Variants in ATAD2 observed in about 807,000 individuals in gnomAD.
The protein encoded by ATAD2 is ATPase family AAA domain-containing protein 2.
Under a neutral mutation model 168.9 loss-of-function variants are expected in ATAD2, and 62 were observed. That is an observed-to-expected ratio of 0.37 (90% CI 0.30 to 0.45). The LOEUF (loss-of-function observed/expected upper bound fraction) is 0.45, where lower values mean the gene tolerates loss of function less well. Ranked by LOEUF, ATAD2 falls within the 20% of genes least tolerant of loss-of-function variation. The probability of loss-of-function intolerance (pLI) is 1.00; values close to 1 mark genes in which losing one functional copy is unlikely to be tolerated. For synonymous variants in ATAD2, 613 were observed against 571.6 expected (o/e 1.07, Z -1.03); for missense variants, 1,419 against 1,667.8 (o/e 0.85, Z 2.60).
At chr8:123,331,010 C>T (rs1179004426) in intron 24 of ATAD2, among the ~76,000 whole-genome samples, 1 of 152,158 alleles carries the variant, frequency 6.6e-6, no homozygotes, top group Non-Finnish European at 1.5e-5. Flanking sequence ...GCAACCTCTG[C>T]CCCACTGGGT....
intron 1 of ATAD2, among the ~76,000 whole-genome samples, chr8:123,389,760 T>C (rs1249934404): frequency 1.3e-5 from 2 of 150,980 alleles, no homozygotes; most frequent in African/African-American, 4.9e-5. Flanking sequence ...TGGACATTTT[T>C]CTCCATTCCT....
chr8:123,389,424 A>G lies in ATAD2; in HGVS notation c.171+6763T>C, dbSNP rs1396149709. Among the ~76,000 whole-genome samples, 20 of 149,090 alleles carry G rather than the reference A, an allele frequency of 1.3e-4. No individual in the cohort carries two copies. In the South Asian group the frequency reaches 4.1e-3, roughly 31 times the overall value. On this transcript the variant is annotated intron_variant, in intron 1 of 27. Transcript: ENST00000287394. Reference sequence around the variant, plus strand: ...GGAGGCCAAGGCGGGCGGATCACGAAGTCGGGAGATTGAGACCATCCTGGC... The same window carrying G: ...GGAGGCCAAGGCGGGCGGATCACGAGGTCGGGAGATTGAGACCATCCTGGC...
At chr8:123,323,211 GC>G (rs1563829835) in intron 26 of ATAD2, 145 bp from the exon 27 acceptor site, 9 of 756,298 alleles carry the variant, frequency 1.2e-5, no homozygotes, top group Non-Finnish European at 1.8e-5. Flanking sequence ...TCTGGCAGTG[GC>G]TCTGACATTT....
chr8:123,398,041 C>A (rs1812934414), upstream of ATAD2, among the ~76,000 whole-genome samples: 1 of 152,012 alleles, frequency 6.6e-6, no homozygotes, highest in Non-Finnish European at 1.5e-5. Context: ...CCCATCCAAA[C>A]CCTGAGATGA....
At chr8:123,357,417 TATAAA>T (rs1828683612) in intron 12 of ATAD2, 140 bp downstream of exon 12, 8 of 812,686 alleles carry the variant, frequency 9.8e-6, no homozygotes, top group Admixed American at 3.6e-5. Context: ...CATCTCGACA[TATAAA>T]AGAAAATAAT....
intron 8 of ATAD2, among the ~76,000 whole-genome samples, chr8:123,367,639 G>A (rs1829023135): frequency 6.6e-6 from 1 of 151,950 alleles, no homozygotes; most frequent in Admixed American, 6.6e-5. Flanking sequence ...CATTCTAAGG[G>A]GCCTGTGAGA....
At position 123,321,987 on chromosome 8, in the gene ATAD2, C is replaced by CTTTT. The variant is rs869048943; in HGVS notation, c.4132-816_4132-813dup. Among the ~76,000 whole-genome samples, 949 of 136,452 alleles carry CTTTT rather than the reference C, an allele frequency of 7.0e-3. 34 individuals are homozygous for CTTTT. The highest frequency in any genetic ancestry group is 0.026 in the African/African-American group (913 of 35,114). 89.5% of individuals were successfully genotyped at this position (136,452 alleles called of 152,430 possible). ...ATAAAGGAAGATTAAGTACATAAGT[C>CTTTT]TTTTTTTTTTTTTTTTGTCATACAG... On this transcript the variant is annotated intron_variant, in intron 27 of 27. Transcript: ENST00000287394.
intron 24 of ATAD2, among the ~76,000 whole-genome samples, chr8:123,332,805 T>G (rs1827808170): frequency 6.6e-6 from 1 of 150,814 alleles, no homozygotes; most frequent in Admixed American, 6.7e-5. Flanking sequence ...GTAATCCTGT[T>G]GGGTATCTAT....
intron 1 of ATAD2, among the ~76,000 whole-genome samples, chr8:123,393,141 G>C (rs1014648550): frequency 4.0e-5 from 6 of 150,662 alleles, no homozygotes; most frequent in African/African-American, 9.8e-5. Context: ...GCCGAGATTG[G>C]GCCACTGCAC....
Position 123,396,364 on chromosome 8 carries a change from T to C in ATAD2, c.-7A>G. Reference sequence around the variant, plus strand: ...TGCTGCGGAGAACCACCATCTTCTCTCCCTACTGGCCTCGGCGTGCGCGAC... The same window carrying C: ...TGCTGCGGAGAACCACCATCTTCTCCCCCTACTGGCCTCGGCGTGCGCGAC... On this transcript the variant is annotated 5_prime_UTR_variant, in exon 1 of 28. Transcript: ENST00000287394. 1.9e-5 allele frequency: 30 copies of C among 1,577,792 alleles called. No homozygotes were observed. The highest frequency in any genetic ancestry group is 2.5e-5 in the Non-Finnish European group (29 of 1,162,934).
chr8:123,325,946 C>G lies in ATAD2; in HGVS notation c.3949G>C (p.Ala1317Pro), dbSNP rs1231503997. Residue 1317 changes from alanine (A) to proline (P), a missense_variant, in exon 26 of 28, where the codon GCA (alanine) becomes CCA (proline). This residue lies in a region of ATAD2 where 303 missense variants were observed against 304.3 expected (regional missense o/e 1.00). Transcript: ENST00000287394. ...GAGGGTGTAGGCTGAGAAAGAATTG[C>G]CAAAGCCTTTTCAACAGTGATGAGC... ...QQLITVEKAL[A>P]ILSQPTPSLV... 1 of 1,613,978 alleles carries G rather than the reference C, an allele frequency of 6.2e-7. No homozygotes were observed. Among genetic ancestry groups the G allele is most frequent in the African/African-American group, 1.3e-5 (1 of 74,886 alleles).
chr8:123,346,780 A>G, intron 16 of ATAD2, 30 bp from the exon 17 acceptor site: 2 of 1,552,066 alleles, frequency 1.3e-6, no homozygotes, highest in Non-Finnish European at 1.7e-6. Flanking sequence ...TACATTAGTA[A>G]CTTTTGGATT....
intron 13 of ATAD2, among the ~76,000 whole-genome samples, chr8:123,349,713 C>G (rs994638297): frequency 1.3e-5 from 2 of 151,710 alleles, no homozygotes; most frequent in African/African-American, 4.8e-5. Context: ...CACAAAGGAA[C>G]TTAAGAGTTC....
chr8:123,384,045 C>T (rs1829574024), intron 1 of ATAD2, among the ~76,000 whole-genome samples: 1 of 147,282 alleles, frequency 6.8e-6, no homozygotes, highest in Non-Finnish European at 1.5e-5. Flanking sequence ...CATGCCACTG[C>T]ACTGCAGCCT....
intron 1 of ATAD2, chr8:123,380,984 A>C (rs77203513): frequency 0.019 from 4,775 of 254,600 alleles, 68 homozygotes; most frequent in Non-Finnish European, 0.025. Flanking sequence ...GAAAAGTTGC[A>C]ATAGTTTATT....
At chr8:123,389,755 A>G (rs1829762225) in intron 1 of ATAD2, among the ~76,000 whole-genome samples, 3 of 150,830 alleles carry the variant, frequency 2.0e-5, no homozygotes, top group Admixed American at 6.7e-5. Context: ...ATTATTGGAC[A>G]TTTTTCTCCA....
chr8:123,359,099 G>A, intron 11 of ATAD2, 122 bp downstream of exon 11: 2 of 612,236 alleles, frequency 3.3e-6, no homozygotes, highest in Non-Finnish European at 5.5e-6. Flanking sequence ...GAGAAAAGTT[G>A]TATAATGAAA....
At chr8:123,360,081 T>A (rs1281875418) in intron 9 of ATAD2, among the ~76,000 whole-genome samples, 2 of 152,142 alleles carry the variant, frequency 1.3e-5, no homozygotes, top group Non-Finnish European at 2.9e-5. Flanking sequence ...TGATAAATCC[T>A]CACAACAGTC....
intron 1 of ATAD2, among the ~76,000 whole-genome samples, chr8:123,383,461 C>G (rs1451970179): frequency 6.6e-6 from 1 of 152,088 alleles, no homozygotes; most frequent in Non-Finnish European, 1.5e-5. Flanking sequence ...AAGAAAAACA[C>G]TGGTGTAGGT....
Sources: gnomAD v4.1 joint callset for allele counts (sites outside exome capture counted in the v4.1 genomes callset) on GRCh38, gnomAD v4.1.1 for gene constraint, gnomAD v4.1.1 regional missense constraint, MANE v1.5 for transcripts, NCBI Gene and HGNC (gene_info 2026-07-23, HGNC 2026-07-21) for gene names.